Variants in TRPM4 observed in about 807,000 individuals in gnomAD.
TRPM4 encodes transient receptor potential cation channel subfamily M member 4.
TRPM4 carries 124 observed loss-of-function variants against 135.6 expected under a neutral mutation model. The observed-to-expected ratio is 0.91, with a 90% confidence interval of 0.79 to 1.06. The LOEUF (loss-of-function observed/expected upper bound fraction) is 1.06, where lower values mean the gene tolerates loss of function less well. Among genes scored for constraint, TRPM4 ranks in the 50% least tolerant of loss-of-function variants. The pLI is 0.00. For synonymous variants in TRPM4, 745 were observed against 705.6 expected, an observed-to-expected ratio of 1.06 and a Z score of -0.88; for missense variants, 1,658 against 1,671.4, an observed-to-expected ratio of 0.99 and a Z score of 0.14.
intron 9 of TRPM4, among the ~76,000 whole-genome samples, chr19:49,179,825 C>T (rs1049600945): frequency 1.3e-5 from 2 of 152,164 alleles, no homozygotes; most frequent in African/African-American, 4.8e-5. Context: ...CTTTCTGGGC[C>T]TCTGTTTCCT....
chr19:49,182,522 T>A (rs905136084), intron 10 of TRPM4, 56 bp from the exon 11 acceptor site: 1 of 1,467,330 alleles, frequency 6.8e-7, no homozygotes, highest in Non-Finnish European at 9.4e-7. Context: ...CCCTTGCCCA[T>A]CTCTTGTCCT....
At position 49,211,731 on chromosome 19, in the gene TRPM4, C is replaced by T. The variant is rs1784733491; in HGVS notation, c.*233C>T. 1.6e-6 allele frequency: 1 copy of T among 617,978 alleles called. No homozygotes were observed. The highest frequency in any genetic ancestry group is 2.9e-6 in the Non-Finnish European group (1 of 349,682). The allele number at this position is 617,978 out of a possible 1,614,324, so 38.3% of individuals were successfully genotyped here. ...GGAGGATCAAGGCCTGGATCCCGGG[C>T]CGTTATCCATCTGGAGGCTGCAGGG... On this transcript the variant is annotated 3_prime_UTR_variant, in exon 25 of 25. Transcript: ENST00000252826. The surrounding 1 kb of genome is among the most constrained non-coding windows in gnomAD (Gnocchi z 4.8).
intron 20 of TRPM4, among the ~76,000 whole-genome samples, chr19:49,208,957 A>C (rs1275750888): frequency 8.1e-6 from 1 of 123,138 alleles, no homozygotes; most frequent in Non-Finnish European, 1.7e-5. Context: ...AGACTCCATC[A>C]AAAAAAAAAA....
chr19:49,194,718 C>T (rs1968565079), intron 16 of TRPM4, among the ~76,000 whole-genome samples: 1 of 128,160 alleles, frequency 7.8e-6, no homozygotes, highest in African/African-American at 3.0e-5. Context: ...TCTTTTCTTT[C>T]TTTCTCTATC....
rs1308046315 is a variant in TRPM4 at position 49,194,671 on chromosome 19, C to CCCTCCCTT, written c.2211-1766_2211-1765insCCCTTCCT. On this transcript the variant is annotated intron_variant, in intron 16 of 24. Transcript: ENST00000252826. ...TCTCTTTCTCTCTCTGTCCCTCCCT[C>CCCTCCCTT]CCTTCCTTCCTTCTTTTCTTCCTTC... 1.5e-3 allele frequency among the ~76,000 whole-genome samples: 194 copies of CCCTCCCTT among 127,758 alleles called. 2 individuals carry two copies. The highest frequency in any genetic ancestry group is 5.5e-3 in the African/African-American group (186 of 33,782). 83.8% of individuals were successfully genotyped at this position (127,758 alleles called of 152,430 possible).
intron 20 of TRPM4, among the ~76,000 whole-genome samples, 189 bp downstream of exon 20, chr19:49,202,330 C>A (rs977003885): frequency 6.6e-6 from 1 of 152,138 alleles, no homozygotes; most frequent in African/African-American, 2.4e-5. Context: ...TCTCCCTGAG[C>A]CCAGGTTGAA....
chr19:49,202,942 G>T (rs1269801154), intron 20 of TRPM4, among the ~76,000 whole-genome samples: 1 of 146,128 alleles, frequency 6.8e-6, no homozygotes, highest in Non-Finnish European at 1.5e-5. Context: ...GAGTGCAGTG[G>T]CACGATCTCA....
chr19:49,168,317 C>G lies in TRPM4; in HGVS notation c.506C>G (p.Ala169Gly). The G allele has an allele frequency of 6.2e-7, 1 of 1,614,120 alleles. No homozygotes were observed. The highest frequency in any genetic ancestry group is 8.5e-7 in the Non-Finnish European group (1 of 1,180,040). ...GGCATCGGCCGGCATGTTGGTGTGG[C>G]TGTACGGGACCATCAGATGGCCAGC... ...HTGIGRHVGV[A>G]VRDHQMASTG... The change falls in exon 5 of 25, where the codon GCT becomes GGT. Residue 169 changes from alanine (A) to glycine (G), a missense_variant. By Grantham distance (60) the Ala-to-Gly change is moderately conservative. Coordinates refer to ENST00000252826, the MANE Select transcript of TRPM4 (RefSeq NM_017636.4).
At chr19:49,170,329 T>C (rs1490526449) in intron 6 of TRPM4, among the ~76,000 whole-genome samples, 1 of 152,006 alleles carries the variant, frequency 6.6e-6, no homozygotes, top group Non-Finnish European at 1.5e-5. Flanking sequence ...GCTGGGACTA[T>C]AGGCACGAGC....
rs527797856 is a variant in TRPM4, at chr19:49,167,092, C to A, written c.268-825C>A. 2.4e-3 allele frequency among the ~76,000 whole-genome samples: 326 copies of A among 137,184 alleles called. 4 individuals carry two copies. Among genetic ancestry groups the A allele is most frequent in the Middle Eastern group, 8.1e-3 (2 of 248 alleles). 90.0% of individuals were successfully genotyped at this position (137,184 alleles called of 152,430 possible). The stretch of plus-strand genomic sequence containing the variant: ...CCCATCTCTCTGGGTCTCTGTCCCT[C>A]TCTCTCTGGGTCTCTGTCCCTCTCT... On this transcript the variant is annotated intron_variant, in intron 3 of 24. Coordinates refer to ENST00000252826, the MANE Select transcript of TRPM4 (RefSeq NM_017636.4).
At chr19:49,169,866 T>C (rs1411843752) in intron 6 of TRPM4, among the ~76,000 whole-genome samples, 1 of 151,962 alleles carries the variant, frequency 6.6e-6, no homozygotes, top group East Asian at 1.9e-4. Flanking sequence ...CCAGCCAATA[T>C]CTTATAATTT....
chr19:49,196,513 C>G lies in TRPM4; in HGVS notation c.2284C>G (p.Arg762Gly). 1 of 1,534,128 alleles carries G rather than the reference C, an allele frequency of 6.5e-7. No individual in the cohort carries two copies. The highest frequency in any genetic ancestry group is 8.7e-7 in the Non-Finnish European group (1 of 1,153,492). Residue 762 changes from arginine to glycine, a missense_variant, in exon 17 of 25, where the codon CGC becomes GGC. Physicochemically the swap from Arg to Gly is moderately radical, Grantham distance 125. This residue lies in a region of TRPM4 where 1,412 missense variants were observed against 1,408.7 expected (regional missense o/e 1.00). Transcript: ENST00000252826. ...QSGRPGCCGG[R>G]CGGRRCLRRW... Reference sequence around the variant, plus strand: ...GGGCCGTCCGGGTTGCTGCGGGGGCCGCTGCGGGGGGCGCCGGTGCCTACG... The same window carrying G: ...GGGCCGTCCGGGTTGCTGCGGGGGCGGCTGCGGGGGGCGCCGGTGCCTACG...
Position 49,180,428 on chromosome 19 carries a change from C to CTGTGTGTG in TRPM4, c.1151-879_1151-872dup, listed in dbSNP as rs71919979. ...AGTGACTCACGTTTGTCATCATCTG[C>CTGTGTGTG]TGTGTGTGTGTGTGTGTGTGTGTGT... On this transcript the variant is annotated intron_variant, in intron 9 of 24. Transcript: ENST00000252826. Among the ~76,000 whole-genome samples the CTGTGTGTG allele has an allele frequency of 8.4e-3, 1,098 of 131,304 alleles. 9 individuals are homozygous for CTGTGTGTG. The highest frequency in any genetic ancestry group is 0.016 in the African/African-American group (542 of 34,776). 86.1% of individuals were successfully genotyped at this position (131,304 alleles called of 152,430 possible).
At position 49,166,366 on chromosome 19, in the gene TRPM4, C is replaced by T. The variant is rs757996780; in HGVS notation, c.267+151C>T. The T allele has an allele frequency of 6.0e-4, 466 of 773,686 alleles. 1 individual carries two copies. Among genetic ancestry groups the T allele is most frequent in the Non-Finnish European group, 8.8e-4 (436 of 494,852 alleles). 47.9% of individuals were successfully genotyped at this position (773,686 alleles called of 1,614,324 possible). On this transcript the variant is annotated intron_variant, in intron 3 of 24. Transcript: ENST00000252826. ...GTCCCCTCCGCCCCACCTATCTTCT[C>T]TCTGAGGGGGTCCCGTTCTCTCTGC... is the stretch of plus-strand genomic sequence containing the variant.
intron 20 of TRPM4, among the ~76,000 whole-genome samples, chr19:49,207,785 G>A (rs1873502249): frequency 6.6e-6 from 1 of 152,088 alleles, no homozygotes. Context: ...TACAAGGTCT[G>A]TGGGTTTTTC....
At chr19:49,202,728 A>G (rs980692182) in intron 20 of TRPM4, among the ~76,000 whole-genome samples, 4 of 151,914 alleles carry the variant, frequency 2.6e-5, no homozygotes, top group Non-Finnish European at 5.9e-5. Context: ...TAGTAGAGAT[A>G]GGGTTTCACC....
intron 20 of TRPM4, among the ~76,000 whole-genome samples, chr19:49,209,303 C>G (rs1242929326): frequency 6.6e-6 from 1 of 152,132 alleles, no homozygotes; most frequent in Non-Finnish European, 1.5e-5. Context: ...AATGTTCTCT[C>G]CTTTTCAATC....
At chr19:49,196,235 C>T (rs1968629954) in intron 16 of TRPM4, among the ~76,000 whole-genome samples, 1 of 152,176 alleles carries the variant, frequency 6.6e-6, no homozygotes, top group Non-Finnish European at 1.5e-5. Flanking sequence ...CTCCTCGGCT[C>T]AAGCGATCAA....
chr19:49,168,348 G>A lies in TRPM4; in HGVS notation c.537G>A (p.Gly179=), dbSNP rs1466005916. ...AVRDHQMAST[G]GTKVVAMGVA... ...GGGACCATCAGATGGCCAGCACTGG[G>A]GGCACCAAGGTGGTGGCCATGGGTG... Residue 179 remains glycine, a synonymous_variant, in exon 5 of 25, where the codon GGG becomes GGA. Coordinates refer to ENST00000252826, the MANE Select transcript of TRPM4 (RefSeq NM_017636.4). 1.2e-6 allele frequency: 2 copies of A among 1,613,996 alleles called. No individual in the cohort carries two copies. Among genetic ancestry groups the A allele is most frequent in the Middle Eastern group, 1.6e-4 (1 of 6,082 alleles).
Sources: allele counts gnomAD v4.1 joint callset (sites outside exome capture counted in the v4.1 genomes callset), GRCh38; gene constraint gnomAD v4.1.1; regional missense constraint gnomAD v4.1.1; non-coding constraint Gnocchi (gnomAD v3.1); transcripts MANE v1.5; gene names NCBI Gene and HGNC (gene_info 2026-07-23, HGNC 2026-07-21).